The following CIMIP6 variants were observed in gnomAD, a reference collection of about 807,000 sequenced individuals.
CIMIP6 encodes the protein ciliary microtubule inner protein 6, also known as uncharacterized protein C2orf73.
the CIMIP6 span, among the ~76,000 whole-genome samples, chr2:54,363,251 AGC>A: frequency 6.6e-6 from 1 of 152,158 alleles, no homozygotes. Flanking sequence ...TGTTGACTAT[AGC>A]CTGACTTTGG....
At chr2:54,354,184 C>T in the CIMIP6 span, among the ~76,000 whole-genome samples, 2 of 152,120 alleles carry the variant, frequency 1.3e-5, no homozygotes, top group Non-Finnish European at 2.9e-5. Context: ...TGTCTGCAAG[C>T]TCTCTGTTAC....
At chr2:54,377,573 C>G in the CIMIP6 span, among the ~76,000 whole-genome samples, 1 of 152,318 alleles carries the variant, frequency 6.6e-6, no homozygotes, top group South Asian at 2.1e-4. Context: ...GGCTCCAGCA[C>G]ACCCCTGAGA....
chr2:54,379,850 G>A, the CIMIP6 span, among the ~76,000 whole-genome samples: 5 of 151,852 alleles, frequency 3.3e-5, no homozygotes, highest in Admixed American at 6.6e-5. Flanking sequence ...GGTGGCATGT[G>A]CCTGTAATCC....
At chr2:54,365,184 A>G in the CIMIP6 span, among the ~76,000 whole-genome samples, 1 of 152,206 alleles carries the variant, frequency 6.6e-6, no homozygotes, top group African/African-American at 2.4e-5. Flanking sequence ...ATTACCACCT[A>G]GATGACACAC....
chr2:54,348,455 C>A, the CIMIP6 span, among the ~76,000 whole-genome samples: 2 of 151,898 alleles, frequency 1.3e-5, no homozygotes, highest in East Asian at 1.9e-4. Flanking sequence ...TTTCTCATGG[C>A]CAAGTTCATT....
the CIMIP6 span, among the ~76,000 whole-genome samples, chr2:54,361,864 T>G: frequency 1.3e-5 from 2 of 152,182 alleles, no homozygotes; most frequent in African/African-American, 4.8e-5. Context: ...GGAACAGGGA[T>G]GGAAACTTAT....
chr2:54,375,901 T>C, the CIMIP6 span, among the ~76,000 whole-genome samples: 4 of 152,132 alleles, frequency 2.6e-5, no homozygotes, highest in Admixed American at 2.6e-4. Context: ...TGTGTGTGTG[T>C]GTGTGACGTT....
chr2:54,340,556 C>T, the CIMIP6 span, among the ~76,000 whole-genome samples: 30 of 151,476 alleles, frequency 2.0e-4, no homozygotes, highest in Admixed American at 1.6e-3. Flanking sequence ...GAAAGACAAC[C>T]TTTTTTTTTG....
chr2:54,355,739 T>C, the CIMIP6 span, among the ~76,000 whole-genome samples: 1 of 152,332 alleles, frequency 6.6e-6, no homozygotes, highest in East Asian at 1.9e-4. Flanking sequence ...AACTGTTATA[T>C]TTTTTATTTC....
At chr2:54,379,746 T>G in the CIMIP6 span, among the ~76,000 whole-genome samples, 1 of 150,890 alleles carries the variant, frequency 6.6e-6, no homozygotes, top group African/African-American at 2.4e-5. Flanking sequence ...GAGGCCAAGG[T>G]GGGTGGGTCA....
the CIMIP6 span, among the ~76,000 whole-genome samples, chr2:54,371,896 A>G: frequency 5.3e-5 from 8 of 152,310 alleles, no homozygotes; most frequent in East Asian, 1.3e-3. Flanking sequence ...TGTGACCTTG[A>G]GAATGCTACC....
chr2:54,359,635 T>G, the CIMIP6 span, among the ~76,000 whole-genome samples: 1 of 151,160 alleles, frequency 6.6e-6, no homozygotes, highest in Non-Finnish European at 1.5e-5. Flanking sequence ...AGTAATAATA[T>G]CAAAGCAGTT....
chr2:54,347,365 A>G, the CIMIP6 span, among the ~76,000 whole-genome samples: 1 of 152,250 alleles, frequency 6.6e-6, no homozygotes, highest in East Asian at 1.9e-4. Context: ...TTTGTACAAG[A>G]AACACAAAGT....
chr2:54,364,864 A>G, the CIMIP6 span, among the ~76,000 whole-genome samples: 7 of 152,342 alleles, frequency 4.6e-5, no homozygotes, highest in East Asian at 3.9e-4. Flanking sequence ...AAAATATAAC[A>G]GGAACATTTG....
the CIMIP6 span, among the ~76,000 whole-genome samples, chr2:54,350,471 A>G: frequency 5.3e-5 from 8 of 152,184 alleles, no homozygotes; most frequent in African/African-American, 1.9e-4. Context: ...CTCCTTCTCC[A>G]GGTGGTCACT....
the CIMIP6 span, chr2:54,359,068 G>C: frequency 2.3e-5 from 34 of 1,465,670 alleles, 1 homozygote; most frequent in Admixed American, 3.9e-4. Context: ...AGCCTCTCCA[G>C]GGAAAGGTGA....
At chr2:54,370,844 C>T in the CIMIP6 span, among the ~76,000 whole-genome samples, 1 of 152,160 alleles carries the variant, frequency 6.6e-6, no homozygotes, top group Non-Finnish European at 1.5e-5. Context: ...TAGTCTGCCC[C>T]CGTCAACTTT....
chr2:54,343,104 A>T, the CIMIP6 span, among the ~76,000 whole-genome samples: 5 of 152,242 alleles, frequency 3.3e-5, no homozygotes, highest in Non-Finnish European at 5.9e-5. Flanking sequence ...TCATTAGTGA[A>T]TGACAAATCA....
the CIMIP6 span, among the ~76,000 whole-genome samples, chr2:54,334,077 G>A: frequency 6.6e-6 from 1 of 152,106 alleles, no homozygotes; most frequent in African/African-American, 2.4e-5. Context: ...AAGCTTCTAT[G>A]TAAAAAGTAT....
Sources: gnomAD v4.1 joint callset for allele counts (sites outside exome capture counted in the v4.1 genomes callset) on GRCh38, gnomAD v4.1.1 for gene constraint, MANE v1.5 for transcripts, NCBI Gene and HGNC (gene_info 2026-07-23, HGNC 2026-07-21) for gene names.